The following ACBD6 variants were observed in gnomAD, a reference collection of about 807,000 sequenced individuals.
The protein encoded by ACBD6 is acyl-CoA-binding domain-containing protein 6.
ACBD6 carries 28 observed loss-of-function variants against 37.2 expected under a neutral mutation model. The ratio of observed to expected loss-of-function variants is 0.75; its 90% CI spans 0.56 to 1.03. The LOEUF (loss-of-function observed/expected upper bound fraction) is 1.03, where lower values mean the gene tolerates loss of function less well. Ranked by LOEUF, ACBD6 falls within the 50% of genes least tolerant of loss-of-function variation. ACBD6 has a pLI of 0.00. For synonymous variants in ACBD6, 113 were observed against 126.8 expected (o/e 0.89, Z 0.73); for missense variants, 340 against 337.4 (o/e 1.01, Z -0.06).
rs1280704793 is a variant in ACBD6, at chr1:180,368,424, T to G, written c.663+29092A>C. On this transcript the variant is annotated intron_variant, in intron 6 of 7. Transcript: ENST00000367595. ...TTTTTGCTTTTGTTGCAATTGCTTT[T>G]GATGTCTTTATCATGAAATCTTTGC... is the stretch of plus-strand genomic sequence containing the variant. Among the ~76,000 whole-genome samples the G allele has an allele frequency of 2.0e-5, 3 of 152,228 alleles. No individual in the cohort carries two copies. In the East Asian group the frequency reaches 5.8e-4, roughly 29 times the overall value.
chr1:180,452,380 G>T (rs1649743232), intron 3 of ACBD6, among the ~76,000 whole-genome samples: 1 of 152,040 alleles, frequency 6.6e-6, no homozygotes, highest in African/African-American at 2.4e-5. Flanking sequence ...TGAGGCAGGA[G>T]AATCACTTGA....
At chr1:180,304,358 CCATT>C (rs892230310) in intron 7 of ACBD6, among the ~76,000 whole-genome samples, 4 of 150,760 alleles carry the variant, frequency 2.7e-5, no homozygotes, top group African/African-American at 9.7e-5. Flanking sequence ...CTAGAAAACC[CCATT>C]GTCTCAGCCC....
intron 4 of ACBD6, among the ~76,000 whole-genome samples, chr1:180,413,764 A>AG (rs1046380018): frequency 3.3e-4 from 50 of 152,162 alleles, no homozygotes; most frequent in African/African-American, 6.5e-4. Context: ...AGACAAAAAG[A>AG]GGGGGGCATT....
chr1:180,477,113 T>G (rs562275031), intron 3 of ACBD6, among the ~76,000 whole-genome samples: 1 of 151,970 alleles, frequency 6.6e-6, no homozygotes, highest in African/African-American at 2.4e-5. Context: ...CAGGAACAGG[T>G]AATGGATACA....
intron 7 of ACBD6, among the ~76,000 whole-genome samples, chr1:180,291,668 G>A (rs1445339234): frequency 6.6e-6 from 1 of 151,096 alleles, no homozygotes; most frequent in Non-Finnish European, 1.5e-5. Context: ...TTTTTTAAGA[G>A]TATCTTGAAG....
chr1:180,297,700 T>G (rs760229215), intron 7 of ACBD6, among the ~76,000 whole-genome samples: 1 of 152,164 alleles, frequency 6.6e-6, no homozygotes, highest in Non-Finnish European at 1.5e-5. Context: ...GATTATAGTA[T>G]CTTTTTGAGA....
At chr1:180,386,245 T>C (rs182121839) in intron 6 of ACBD6, among the ~76,000 whole-genome samples, 36 of 152,322 alleles carry the variant, frequency 2.4e-4, no homozygotes, top group African/African-American at 8.4e-4. Context: ...TTTCAACTTA[T>C]GATATTTTCA....
chr1:180,453,855 A>G (rs1649808495), intron 3 of ACBD6, among the ~76,000 whole-genome samples: 1 of 152,216 alleles, frequency 6.6e-6, no homozygotes, highest in Non-Finnish European at 1.5e-5. Flanking sequence ...GACCTCTTCA[A>G]AGAGAACTAC....
intron 6 of ACBD6, among the ~76,000 whole-genome samples, chr1:180,369,457 CA>C (rs962499261): frequency 1.3e-5 from 2 of 152,100 alleles, no homozygotes; most frequent in African/African-American, 4.8e-5. Context: ...AAGTACTAAG[CA>C]GCTATAAATT....
intron 3 of ACBD6, among the ~76,000 whole-genome samples, chr1:180,471,814 C>CT (rs1324342618): frequency 2.6e-5 from 4 of 152,158 alleles, no homozygotes; most frequent in Non-Finnish European, 4.4e-5. Context: ...GCACTTTACT[C>CT]TTTCCCAATA....
At chr1:180,303,117 G>A (rs1224563551) in intron 7 of ACBD6, among the ~76,000 whole-genome samples, 1 of 150,588 alleles carries the variant, frequency 6.6e-6, no homozygotes, top group African/African-American at 2.4e-5. Context: ...TGTGTAGAGG[G>A]AAATTTATAG....
chr1:180,373,225 T>C (rs1056192117), intron 6 of ACBD6, among the ~76,000 whole-genome samples: 3 of 152,242 alleles, frequency 2.0e-5, no homozygotes, highest in Non-Finnish European at 2.9e-5. Flanking sequence ...TTTTTATTTC[T>C]TTTCATTCAC....
chr1:180,401,836 G>GA (rs916419725), intron 5 of ACBD6, among the ~76,000 whole-genome samples: 1 of 150,464 alleles, frequency 6.6e-6, no homozygotes, highest in African/African-American at 2.4e-5. Flanking sequence ...GGGAAGGAAG[G>GA]AGATTCTATT....
intron 4 of ACBD6, among the ~76,000 whole-genome samples, chr1:180,423,924 C>T (rs1571492367): frequency 6.6e-6 from 1 of 152,100 alleles, no homozygotes; most frequent in African/African-American, 2.4e-5. Flanking sequence ...GTAAGATAAT[C>T]GATCCAAAGG....
chr1:180,494,227 G>A (rs996164114), intron 2 of ACBD6, among the ~76,000 whole-genome samples: 1 of 151,946 alleles, frequency 6.6e-6, no homozygotes, highest in African/African-American at 2.4e-5. Flanking sequence ...ATCATTCGTT[G>A]ATGTTCTTGC....
At chr1:180,274,574 T>G (rs566916137) in intron 10 of ACBD6, 1 of 1,571,696 alleles carries the variant, frequency 6.4e-7, no homozygotes, top group South Asian at 1.1e-5. Context: ...TCATCCTCCT[T>G]TTTAAACTTC....
At chr1:180,431,754 G>A (rs1648820456) in intron 3 of ACBD6, among the ~76,000 whole-genome samples, 1 of 151,894 alleles carries the variant, frequency 6.6e-6, no homozygotes, top group South Asian at 2.1e-4. Flanking sequence ...CTAAAAATGA[G>A]AAAACTGGAT....
At position 180,434,995 on chromosome 1, in the gene ACBD6, T is replaced by C. The variant is rs12060882; in HGVS notation, c.385-4733A>G. ...AAGTACAGATGGACTGAGTACGGCC[T>C]GACGTTTACAGAGAAATGGAACACC... On this transcript the variant is annotated intron_variant, in intron 3 of 7. Coordinates refer to ENST00000367595, the MANE Select transcript of ACBD6 (RefSeq NM_032360.4). 1.7e-3 allele frequency: 1,659 copies of C among 958,264 alleles called. 15 individuals are homozygous for C. In the African/African-American group the frequency reaches 0.023, roughly 13 times the overall value. 59.4% of individuals were successfully genotyped at this position (958,264 alleles called of 1,614,324 possible).
chr1:180,330,030 CA>C (rs1433552551), intron 6 of ACBD6, among the ~76,000 whole-genome samples: 2 of 152,072 alleles, frequency 1.3e-5, no homozygotes, highest in African/African-American at 2.4e-5. Context: ...GTATATATTC[CA>C]AAAAGCTGAC....
Sources: gnomAD v4.1 joint callset for allele counts (sites outside exome capture counted in the v4.1 genomes callset) on GRCh38, gnomAD v4.1.1 for gene constraint, MANE v1.5 for transcripts, NCBI Gene and HGNC (gene_info 2026-07-23, HGNC 2026-07-21) for gene names.